The following SAMD12 variants were observed in gnomAD, a reference collection of about 807,000 sequenced individuals.
SAMD12 encodes the protein sterile alpha motif domain containing 12, also known as sterile alpha motif domain-containing protein 12.
SAMD12 carries 9 observed loss-of-function variants against 15.0 expected under a neutral mutation model. The ratio of observed to expected loss-of-function variants is 0.60; its 90% confidence interval spans 0.36 to 1.05. The LOEUF is 1.05. SAMD12 is among the 50% of genes least tolerant of loss of function. The pLI, the probability that SAMD12 is intolerant of heterozygous loss-of-function variation, is 0.01. For synonymous variants in SAMD12, 86 were observed against 90.1 expected, an observed-to-expected ratio of 0.96 and a Z score of 0.25; for missense variants, 230 against 234.2, an observed-to-expected ratio of 0.98 and a Z score of 0.12.
At chr8:118,448,846 A>C (rs1216566090) in intron 2 of SAMD12, among the ~76,000 whole-genome samples, 1 of 152,212 alleles carries the variant, frequency 6.6e-6, no homozygotes, top group Admixed American at 6.5e-5. Flanking sequence ...AACCTTTCTA[A>C]ACGTATTTCT....
intron 1 of SAMD12, among the ~76,000 whole-genome samples, chr8:118,604,386 T>G (rs922674025): frequency 6.6e-6 from 1 of 152,200 alleles, no homozygotes; most frequent in African/African-American, 2.4e-5. Flanking sequence ...TTAGAAATAA[T>G]GACACTAAGA....
intron 4 of SAMD12, among the ~76,000 whole-genome samples, chr8:118,262,135 G>A (rs1813092791): frequency 6.6e-6 from 1 of 151,930 alleles, no homozygotes; most frequent in Non-Finnish European, 1.5e-5. Flanking sequence ...TCCTTCATCT[G>A]ATCAACAGCC....
At chr8:118,497,834 T>C (rs1824670441) in intron 2 of SAMD12, among the ~76,000 whole-genome samples, 2 of 152,090 alleles carry the variant, frequency 1.3e-5, no homozygotes, top group Non-Finnish European at 2.9e-5. Context: ...ATCAGGGATT[T>C]AGAAGTTTTC....
chr8:118,421,726 A>C (rs1201328833), intron 3 of SAMD12, among the ~76,000 whole-genome samples: 1 of 152,188 alleles, frequency 6.6e-6, no homozygotes, highest in Non-Finnish European at 1.5e-5. Context: ...ACAAAACAGC[A>C]CCTGACTTAA....
intron 3 of SAMD12, among the ~76,000 whole-genome samples, chr8:118,414,793 G>A (rs1386083219): frequency 6.6e-6 from 1 of 152,224 alleles, no homozygotes; most frequent in Non-Finnish European, 1.5e-5. Flanking sequence ...CTAAAGCCCA[G>A]CTTCTGGTGT....
rs116106773 is a variant in SAMD12 at position 118,247,947 on chromosome 8, T to C, written c.434-50215A>G. ...AAAAATACTAGAAGCAGGAAGCTTA[T>C]TGGGGGTATTAATTCATTCATGCTC... On this transcript the variant is annotated intron_variant, in intron 4 of 4. Coordinates refer to the SAMD12 transcript ENST00000409003. Among the ~76,000 whole-genome samples, 975 of 152,176 alleles carry C rather than the reference T, an allele frequency of 6.4e-3. 12 individuals are homozygous for C. Among genetic ancestry groups the C allele is most frequent in the African/African-American group, 0.022 (923 of 41,526 alleles).
At chr8:118,325,447 T>C (rs1816521146) in intron 4 of SAMD12, among the ~76,000 whole-genome samples, 1 of 152,176 alleles carries the variant, frequency 6.6e-6, no homozygotes, top group African/African-American at 2.4e-5. Flanking sequence ...TGAGGTATAA[T>C]TGACAAGTAA....
At chr8:118,212,167 AGAATG>A (rs2129822866) in intron 4 of SAMD12, among the ~76,000 whole-genome samples, 1 of 152,210 alleles carries the variant, frequency 6.6e-6, no homozygotes, top group South Asian at 2.1e-4. Context: ...TATGTGGCCC[AGAATG>A]GAGTGTAGTG....
chr8:118,290,100 T>C (rs1378785415), intron 4 of SAMD12, among the ~76,000 whole-genome samples: 1 of 152,084 alleles, frequency 6.6e-6, no homozygotes, highest in Non-Finnish European at 1.5e-5. Flanking sequence ...ATCAGCTAAG[T>C]AAAAATTATA....
At chr8:118,417,552 T>TAA (rs1313474325) in intron 3 of SAMD12, among the ~76,000 whole-genome samples, 2 of 152,220 alleles carry the variant, frequency 1.3e-5, no homozygotes, top group Admixed American at 6.5e-5. Flanking sequence ...ATGAATGATC[T>TAA]GTAAATTAGC....
intron 4 of SAMD12, among the ~76,000 whole-genome samples, chr8:118,336,498 T>C (rs190479525): frequency 1.6e-4 from 25 of 152,326 alleles, no homozygotes; most frequent in African/African-American, 5.5e-4. Flanking sequence ...TGCATGTGTC[T>C]TTATAGCAGC....
chr8:118,401,474 G>T (rs571369548), intron 3 of SAMD12, among the ~76,000 whole-genome samples: 2 of 151,758 alleles, frequency 1.3e-5, no homozygotes, highest in Admixed American at 1.3e-4. Context: ...AGGCTCAAGT[G>T]ATCCTCCTGC....
At position 118,481,872 on chromosome 8, in the gene SAMD12, G is replaced by A. The variant is rs4342637; in HGVS notation, c.193-41911C>T. ...ATAGAGGAAGTGAGACCTGCAGTTC[G>A]CCTTGGAAAACACTCACAGAAGCAC... On this transcript the variant is annotated intron_variant, in intron 2 of 3. Transcript: ENST00000314727. Among the ~76,000 whole-genome samples the A allele has an allele frequency of 5.0e-3, 756 of 152,252 alleles. 8 individuals are homozygous for A. Among genetic ancestry groups the A allele is most frequent in the African/African-American group, 0.018 (729 of 41,542 alleles).
At chr8:118,355,605 TG>T (rs1818191997) in intron 4 of SAMD12, among the ~76,000 whole-genome samples, 1 of 152,196 alleles carries the variant, frequency 6.6e-6, no homozygotes, top group Non-Finnish European at 1.5e-5. Context: ...GAGGTAGTAG[TG>T]GTGAGGATTC....
chr8:118,470,583 A>G (rs762426097), intron 2 of SAMD12, among the ~76,000 whole-genome samples: 15 of 152,212 alleles, frequency 9.9e-5, no homozygotes, highest in Non-Finnish European at 1.8e-4. Context: ...TTCCAAGGTT[A>G]ACTCTGAGAA....
At chr8:118,562,686 A>G (rs1418802719) in intron 2 of SAMD12, among the ~76,000 whole-genome samples, 2 of 152,260 alleles carry the variant, frequency 1.3e-5, no homozygotes, top group Non-Finnish European at 2.9e-5. Context: ...CACAGCATGC[A>G]CGATGCAGTA....
chr8:118,348,978 A>G (rs1466305126), intron 4 of SAMD12, among the ~76,000 whole-genome samples: 2 of 152,232 alleles, frequency 1.3e-5, no homozygotes, highest in Admixed American at 6.5e-5. Flanking sequence ...TCTAGGACCG[A>G]GGCCAAGAAC....
chr8:118,408,913 G>T (rs4639556), intron 3 of SAMD12, among the ~76,000 whole-genome samples: 52,154 of 151,800 alleles, frequency 0.34, 9,607 homozygotes, highest in African/African-American at 0.41. Flanking sequence ...AATTTTGTTT[G>T]TTTGAGACAG....
intron 2 of SAMD12, among the ~76,000 whole-genome samples, chr8:118,444,331 C>T (rs771765972): frequency 5.3e-4 from 81 of 151,780 alleles, no homozygotes; most frequent in Admixed American, 2.2e-3. Context: ...GAAAGAGGCC[C>T]GAGGCAGTTT....
Sources: allele counts gnomAD v4.1 joint callset (sites outside exome capture counted in the v4.1 genomes callset), GRCh38; gene constraint gnomAD v4.1.1; transcripts MANE v1.5; gene names NCBI Gene and HGNC (gene_info 2026-07-23, HGNC 2026-07-21).